The following CCDC146 variants were observed in gnomAD, a reference collection of about 807,000 sequenced individuals.
The protein encoded by CCDC146 is coiled-coil domain containing 146.
In CCDC146, 92 loss-of-function variants were observed where a neutral mutation model predicts 119.3. The ratio of observed to expected loss-of-function variants is 0.77; its 90% CI spans 0.65 to 0.92. The LOEUF is 0.92. CCDC146 is among the 40% of genes least tolerant of loss of function. The pLI is 0.00. For synonymous variants in CCDC146, 372 were observed against 371.8 expected, an observed-to-expected ratio of 1.00 and a Z score of -0.01; for missense variants, 1,000 against 1,103.0, an observed-to-expected ratio of 0.91 and a Z score of 1.32.
rs903058640 is a variant in CCDC146, at chr7:77,257,706, C to T, written c.684+1197C>T. 1.2e-4 allele frequency among the ~76,000 whole-genome samples: 19 copies of T among 152,190 alleles called. No individual in the cohort carries two copies. In the East Asian group the frequency reaches 3.5e-3, roughly 28 times the overall value. On this transcript the variant is annotated intron_variant, in intron 6 of 18. Coordinates refer to ENST00000285871, the MANE Select transcript of CCDC146 (RefSeq NM_020879.3). ...TGTCTCGCCCACCACACTGCAGTGA[C>T]GGATTCAACCTCCCTGCATGTGTGT...
chr7:77,159,282 T>A (rs1478450009), intron 1 of CCDC146, among the ~76,000 whole-genome samples: 1 of 152,108 alleles, frequency 6.6e-6, no homozygotes, highest in East Asian at 1.9e-4. Context: ...GCTGAAATTT[T>A]GTACTCTTTA....
intron 1 of CCDC146, among the ~76,000 whole-genome samples, chr7:77,127,838 T>C (rs1354342726): frequency 6.6e-6 from 1 of 152,104 alleles, no homozygotes; most frequent in African/African-American, 2.4e-5. Flanking sequence ...TTATATGATT[T>C]ATGCCTCTTC....
chr7:77,163,920 C>T (rs535300889), intron 1 of CCDC146, among the ~76,000 whole-genome samples: 52 of 142,706 alleles, frequency 3.6e-4, no homozygotes, highest in Non-Finnish European at 6.4e-4. Flanking sequence ...AGTACAATGG[C>T]ACAATCTCGG....
intron 2 of CCDC146, among the ~76,000 whole-genome samples, chr7:77,184,326 G>A (rs1791632375): frequency 1.3e-5 from 2 of 152,164 alleles, no homozygotes; most frequent in Non-Finnish European, 2.9e-5. Context: ...GTAGGGTCTC[G>A]ACTCTAGCAG....
chr7:77,172,681 A>G (rs1791440591), intron 2 of CCDC146, among the ~76,000 whole-genome samples: 1 of 152,192 alleles, frequency 6.6e-6, no homozygotes, highest in Non-Finnish European at 1.5e-5. Context: ...TGTTCCGCTC[A>G]GCAGGGACTC....
intron 18 of CCDC146, among the ~76,000 whole-genome samples, chr7:77,294,462 A>AGGTGTGTG (rs200788259): frequency 2.9e-5 from 3 of 103,000 alleles, no homozygotes; most frequent in African/African-American, 1.3e-4. Context: ...AATGAGAGGT[A>AGGTGTGTG]GGTGTGTGTG....
Position 77,274,658 on chromosome 7 carries a change from T to A in CCDC146, c.1440+6T>A. The A allele has an allele frequency of 1.2e-6, 2 of 1,602,146 alleles. No individual in the cohort carries two copies. On this transcript the variant is annotated splice_donor_region_variant and intron_variant, in intron 11 of 18. Coordinates refer to ENST00000285871, the MANE Select transcript of CCDC146 (RefSeq NM_020879.3). The stretch of plus-strand genomic sequence containing the variant: ...AGGATTTCCTGAAAGCTCAGGTAAC[T>A]GCATTTTTTTAACCATTCATTGATA...
intron 4 of CCDC146, among the ~76,000 whole-genome samples, chr7:77,243,397 C>T (rs1447974684): frequency 6.6e-6 from 1 of 152,166 alleles, no homozygotes; most frequent in South Asian, 2.1e-4. Flanking sequence ...GAGAAGATTC[C>T]CTTGCATTCT....
At chr7:77,206,856 CATA>C (rs1245112839) in intron 2 of CCDC146, among the ~76,000 whole-genome samples, 8 of 151,658 alleles carry the variant, frequency 5.3e-5, no homozygotes, top group African/African-American at 1.5e-4. Flanking sequence ...TCAATTTATT[CATA>C]ATAATAGTGT....
intron 2 of CCDC146, among the ~76,000 whole-genome samples, chr7:77,197,848 G>A (rs1263140374): frequency 6.6e-6 from 1 of 152,116 alleles, no homozygotes; most frequent in African/African-American, 2.4e-5. Flanking sequence ...AACAACAGGT[G>A]ACTATATTGA....
Position 77,196,637 on chromosome 7 carries a change from A to C in CCDC146, c.156+28813A>C. 1 of 1,614,094 alleles carries C rather than the reference A, an allele frequency of 6.2e-7. No individual in the cohort carries two copies. Among genetic ancestry groups the C allele is most frequent in the Non-Finnish European group, 8.5e-7 (1 of 1,179,908 alleles). ...ACGATATTTGAGAAACTCATTAGCC[A>C]CATAAAACTGATCATACAAGGCATA... On this transcript the variant is annotated intron_variant, in intron 2 of 18. Transcript: ENST00000285871. The surrounding 1 kb of genome is among the most constrained non-coding windows in gnomAD (Gnocchi z 4.2).
chr7:77,152,319 G>A (rs975437503), intron 1 of CCDC146, among the ~76,000 whole-genome samples: 4 of 152,142 alleles, frequency 2.6e-5, no homozygotes, highest in Non-Finnish European at 5.9e-5. Flanking sequence ...TAATGTCAGA[G>A]CCATTACCTT....
intron 2 of CCDC146, among the ~76,000 whole-genome samples, chr7:77,182,375 G>A (rs1022204789): frequency 3.3e-5 from 5 of 152,088 alleles, no homozygotes; most frequent in African/African-American, 1.2e-4. Context: ...ACATTTTTCA[G>A]CTCATAATAC....
intron 2 of CCDC146, among the ~76,000 whole-genome samples, chr7:77,225,154 A>G (rs1792485482): frequency 6.6e-6 from 1 of 152,272 alleles, no homozygotes; most frequent in African/African-American, 2.4e-5. Context: ...CTAAGATATT[A>G]TACTACATAT....
intron 3 of CCDC146, 83 bp downstream of exon 3, chr7:77,237,112 C>G (rs1332165567): frequency 1.8e-6 from 2 of 1,120,032 alleles, no homozygotes; most frequent in Admixed American, 3.7e-5. Context: ...ATTTGCATTC[C>G]CCCATAAGCA....
intron 7 of CCDC146, 107 bp downstream of exon 7, chr7:77,259,175 A>C (rs1793240599): frequency 3.0e-6 from 2 of 666,180 alleles, no homozygotes; most frequent in Non-Finnish European, 5.0e-6. Flanking sequence ...TGATAATTTT[A>C]GAAATTTCTG....
chr7:77,148,331 G>C lies in CCDC146; in HGVS notation c.-11-19327G>C, dbSNP rs189563005. ...GTCACCCCTTCCCTTGGCTAGGAAA[G>C]GGAATACCCTGACCCCTTGTGCTTC... On this transcript the variant is annotated intron_variant, in intron 1 of 18. Coordinates refer to ENST00000285871, the MANE Select transcript of CCDC146 (RefSeq NM_020879.3). 2.8e-3 allele frequency among the ~76,000 whole-genome samples: 424 copies of C among 152,268 alleles called. 2 individuals are homozygous for C. Among genetic ancestry groups the C allele is most frequent in the African/African-American group, 9.9e-3 (411 of 41,548 alleles).
chr7:77,131,123 T>G (rs10259448), intron 1 of CCDC146, among the ~76,000 whole-genome samples: 5,673 of 152,004 alleles, frequency 0.037, 388 homozygotes, highest in African/African-American at 0.13. Flanking sequence ...CCTCAAGTGA[T>G]TCTCCCACCT....
intron 2 of CCDC146, among the ~76,000 whole-genome samples, chr7:77,212,592 G>A (rs1001891371): frequency 7.7e-6 from 1 of 129,046 alleles, no homozygotes; most frequent in African/African-American, 3.0e-5. Context: ...CTGCACTCCA[G>A]CCTGGGTGAC....
Sources: gnomAD v4.1 joint callset for allele counts (sites outside exome capture counted in the v4.1 genomes callset) on GRCh38, gnomAD v4.1.1 for gene constraint, Gnocchi (gnomAD v3.1) non-coding constraint, MANE v1.5 for transcripts, NCBI Gene and HGNC (gene_info 2026-07-23, HGNC 2026-07-21) for gene names.